The following RTF1 variants were observed in gnomAD, a reference collection of about 807,000 sequenced individuals.
RTF1 encodes RTF1 homolog, Paf1/RNA polymerase II complex component.
RTF1 carries 10 observed loss-of-function variants against 95.7 expected under a neutral mutation model. The ratio of observed to expected loss-of-function variants is 0.10; its 90% CI spans 0.06 to 0.18. RTF1 has a LOEUF of 0.18. Ranked by LOEUF, RTF1 falls within the 10% of genes least tolerant of loss-of-function variation. RTF1 has a pLI of 1.00. For synonymous variants in RTF1, 305 were observed against 311.8 expected, an observed-to-expected ratio of 0.98 and a Z score of 0.23; for missense variants, 458 against 875.6, an observed-to-expected ratio of 0.52 and a Z score of 6.02.
chr15:41,443,909 T>C (rs2050747777), intron 2 of RTF1, among the ~76,000 whole-genome samples: 1 of 150,796 alleles, frequency 6.6e-6, no homozygotes, highest in Non-Finnish European at 1.5e-5. Flanking sequence ...CTACTAAAAA[T>C]ACAAAAAAAT....
In RTF1 at chr15:41,476,664, G is replaced by C. The variant is rs755488234; in HGVS notation, c.1560+141G>C. The C allele has an allele frequency of 1.5e-3, 1,101 of 714,634 alleles. 3 individuals are homozygous for C. Among genetic ancestry groups the C allele is most frequent in the Non-Finnish European group, 2.2e-3 (895 of 414,354 alleles). 44.3% of individuals were successfully genotyped at this position (714,634 alleles called of 1,614,324 possible). On this transcript the variant is annotated intron_variant, in intron 12 of 17. Coordinates refer to ENST00000389629, the MANE Select transcript of RTF1 (RefSeq NM_015138.5). ...TTATAAGCAACACAGTGTGTTCTTGGCACCTGGGCAACGTTCCTTGGCCAT... is the reference window on the plus strand; with the variant it reads ...TTATAAGCAACACAGTGTGTTCTTGCCACCTGGGCAACGTTCCTTGGCCAT...
At chr15:41,474,475 C>G (rs2050932099) in intron 8 of RTF1, 145 bp from the exon 9 acceptor site, 2 of 667,280 alleles carry the variant, frequency 3.0e-6, no homozygotes, top group South Asian at 1.8e-5. Context: ...ACCTGAGAAA[C>G]CTTTCTCAGA....
chr15:41,479,080 A>C (rs773714834), intron 15 of RTF1, 23 bp from the exon 16 acceptor site: 1 of 1,577,354 alleles, frequency 6.3e-7, no homozygotes, highest in South Asian at 1.1e-5. Context: ...GCAATCTCTA[A>C]AACAACTTAT....
intron 16 of RTF1, among the ~76,000 whole-genome samples, chr15:41,479,879 AAAGC>A (rs1297248610): frequency 2.0e-5 from 3 of 151,912 alleles, no homozygotes; most frequent in Non-Finnish European, 2.9e-5. Flanking sequence ...AAAAAAAAAA[AAAGC>A]AGTTTTCTGT....
chr15:41,426,779 ATATGTGTGTGTGTGTGTG>A lies in RTF1; in HGVS notation c.198+9468_198+9485del, dbSNP rs1417827962. On this transcript the variant is annotated intron_variant, in intron 1 of 17. Coordinates refer to ENST00000389629, the MANE Select transcript of RTF1 (RefSeq NM_015138.5). The stretch of plus-strand genomic sequence containing the variant: ...TCTACTGTGCCCAGCCGCTACATAT[ATATGTGTGTGTGTGTGTG>A]TGTGTGTGTGTGTGTGTGTGTGTGT... Among the ~76,000 whole-genome samples, 370 of 77,608 alleles carry A rather than the reference ATATGTGTGTGTGTGTGTG, an allele frequency of 4.8e-3. 6 individuals are homozygous for A. In the South Asian group the frequency reaches 0.048, roughly 10 times the overall value. The allele number at this position is 77,608 out of a possible 152,430, so 50.9% of individuals were successfully genotyped here.
At chr15:41,442,089 T>G (rs1430598590) in intron 2 of RTF1, among the ~76,000 whole-genome samples, 1 of 152,142 alleles carries the variant, frequency 6.6e-6, no homozygotes, top group Non-Finnish European at 1.5e-5. Context: ...TGTGGACATT[T>G]TAGATTGGGT....
chr15:41,454,032 CTAT>C (rs2050800730), intron 3 of RTF1, among the ~76,000 whole-genome samples: 1 of 152,076 alleles, frequency 6.6e-6, no homozygotes, highest in African/African-American at 2.4e-5. Flanking sequence ...TTAAGATCTA[CTAT>C]TATGATAAAT....
chr15:41,438,477 G>C, intron 2 of RTF1, 46 bp downstream of exon 2: 1 of 1,316,060 alleles, frequency 7.6e-7, no homozygotes, highest in Non-Finnish European at 1.1e-6. Context: ...GATAGTTGAG[G>C]CTCCTCGCTT....
intron 1 of RTF1, among the ~76,000 whole-genome samples, chr15:41,421,221 C>T (rs964088072): frequency 6.6e-6 from 1 of 152,050 alleles, no homozygotes; most frequent in Admixed American, 6.6e-5. Flanking sequence ...CTTTGGGAGG[C>T]CGAGGTGGGC....
At chr15:41,465,127 CTT>C (rs1441768290) in intron 5 of RTF1, among the ~76,000 whole-genome samples, 2 of 150,806 alleles carry the variant, frequency 1.3e-5, no homozygotes, top group Non-Finnish European at 3.0e-5. Flanking sequence ...TTCTTTTTCC[CTT>C]TTCTTCCCCT....
intron 1 of RTF1, among the ~76,000 whole-genome samples, chr15:41,423,360 T>A (rs1322909794): frequency 6.6e-6 from 1 of 151,984 alleles, no homozygotes; most frequent in Non-Finnish European, 1.5e-5. Context: ...GTGAGTCCCA[T>A]GGGAGCTCCC....
chr15:41,447,879 A>G (rs2050771399), intron 2 of RTF1, among the ~76,000 whole-genome samples: 1 of 152,212 alleles, frequency 6.6e-6, no homozygotes, highest in Non-Finnish European at 1.5e-5. Flanking sequence ...TTCTCAAAAC[A>G]GATTAAGAAG....
At chr15:41,469,045 T>C (rs1285051131) in intron 6 of RTF1, among the ~76,000 whole-genome samples, 3 of 152,010 alleles carry the variant, frequency 2.0e-5, no homozygotes, top group Admixed American at 6.6e-5. Flanking sequence ...CTCGGCTCAT[T>C]GCAACCTTCA....
chr15:41,473,749 A>G (rs1595440263), intron 8 of RTF1, among the ~76,000 whole-genome samples: 5 of 151,720 alleles, frequency 3.3e-5, no homozygotes, highest in African/African-American at 1.2e-4. Context: ...TCTTTTTTGT[A>G]GAGACTGGGT....
intron 6 of RTF1, among the ~76,000 whole-genome samples, chr15:41,469,477 C>T (rs1316783500): frequency 1.3e-5 from 2 of 151,648 alleles, no homozygotes; most frequent in Non-Finnish European, 2.9e-5. Flanking sequence ...CCACCTCGAC[C>T]TCCCAAAGTG....
At chr15:41,472,047 T>C (rs1477566475) in intron 8 of RTF1, among the ~76,000 whole-genome samples, 1 of 147,296 alleles carries the variant, frequency 6.8e-6, no homozygotes, top group Non-Finnish European at 1.5e-5. Flanking sequence ...TACAGGCGCA[T>C]GCCACCACAC....
At chr15:41,435,419 C>T (rs1056420869) in intron 1 of RTF1, among the ~76,000 whole-genome samples, 2 of 151,628 alleles carry the variant, frequency 1.3e-5, no homozygotes, top group Non-Finnish European at 2.9e-5. Flanking sequence ...AAGCAAGCCT[C>T]CTACCTTGGC....
At chr15:41,464,945 T>A in intron 5 of RTF1, 60 bp downstream of exon 5, 1 of 1,453,924 alleles carries the variant, frequency 6.9e-7, no homozygotes, top group Non-Finnish European at 9.1e-7. Context: ...TGTGTGTGTG[T>A]GTGTGTGTGT....
At chr15:41,423,839 G>T (rs1447890033) in intron 1 of RTF1, among the ~76,000 whole-genome samples, 1 of 151,900 alleles carries the variant, frequency 6.6e-6, no homozygotes, top group African/African-American at 2.4e-5. Context: ...TGCCACCTCC[G>T]CTTCCCGGGT....
Sources: allele counts gnomAD v4.1 joint callset (sites outside exome capture counted in the v4.1 genomes callset), GRCh38; gene constraint gnomAD v4.1.1; transcripts MANE v1.5; gene names NCBI Gene and HGNC (gene_info 2026-07-23, HGNC 2026-07-21).